Variants in UBE2K observed in about 807,000 individuals in gnomAD.
UBE2K encodes the protein ubiquitin conjugating enzyme E2 K.
UBE2K carries 6 observed loss-of-function variants against 30.0 expected under a neutral mutation model. The observed-to-expected ratio is 0.20, with a 90% CI of 0.11 to 0.39. UBE2K has a LOEUF of 0.39. Ranked by LOEUF, UBE2K falls within the 10% of genes least tolerant of loss-of-function variation. UBE2K has a pLI of 1.00. For synonymous variants in UBE2K, 86 were observed against 83.7 expected (o/e 1.03, Z -0.15); for missense variants, 61 against 241.6 (o/e 0.25, Z 4.96).
chr4:39,733,938 G>A (rs1042842379), intron 1 of UBE2K, among the ~76,000 whole-genome samples: 2 of 152,032 alleles, frequency 1.3e-5, no homozygotes, highest in East Asian at 3.9e-4. Context: ...CAGGGGGATT[G>A]GAGTTTTAGA....
chr4:39,730,810 C>CTT lies in UBE2K; in HGVS notation c.64-6592_64-6591dup, dbSNP rs569251225. Among the ~76,000 whole-genome samples, 754 of 89,648 alleles carry CTT rather than the reference C, an allele frequency of 8.4e-3. 26 individuals are homozygous for CTT. Among genetic ancestry groups the CTT allele is most frequent in the African/African-American group, 0.023 (568 of 24,426 alleles). The allele number at this position is 89,648 out of a possible 152,430, so 58.8% of individuals were successfully genotyped here. A position where few individuals can be genotyped will look rare whatever the true frequency, so the allele number is the denominator to read the frequency against. On this transcript the variant is annotated intron_variant, in intron 1 of 6. Transcript: ENST00000261427. Reference sequence around the variant, plus strand: ...TAATAATTGCTAGCTGCTATAGCTTCTTTTTTTTTTTTTTTTTTTGAGACA... The same window carrying CTT: ...TAATAATTGCTAGCTGCTATAGCTTCTTTTTTTTTTTTTTTTTTTTTGAGACA...
intron 2 of UBE2K, among the ~76,000 whole-genome samples, chr4:39,739,239 G>T (rs1720541813): frequency 6.6e-6 from 1 of 150,656 alleles, no homozygotes; most frequent in Non-Finnish European, 1.5e-5. Flanking sequence ...CACCGTGTTA[G>T]CCAGAATGGT....
At chr4:39,698,604 G>T (rs1365422178) in intron 1 of UBE2K, among the ~76,000 whole-genome samples, 1 of 152,096 alleles carries the variant, frequency 6.6e-6, no homozygotes, top group Non-Finnish European at 1.5e-5. Flanking sequence ...GGGTGGTCTG[G>T]GGTGGAACAT....
chr4:39,738,836 G>A (rs907149046), intron 2 of UBE2K, among the ~76,000 whole-genome samples: 3 of 151,508 alleles, frequency 2.0e-5, no homozygotes, highest in African/African-American at 7.3e-5. Context: ...CCACCATGCC[G>A]GCTAATTTTT....
At chr4:39,766,724 A>AT (rs1213919699) in intron 4 of UBE2K, among the ~76,000 whole-genome samples, 3 of 151,650 alleles carry the variant, frequency 2.0e-5, no homozygotes, top group Non-Finnish European at 4.4e-5. Context: ...AGGAGTGTTT[A>AT]TTTTTATTTC....
intron 1 of UBE2K, among the ~76,000 whole-genome samples, chr4:39,732,552 A>G (rs1720129606): frequency 7.0e-6 from 1 of 143,716 alleles, no homozygotes; most frequent in Non-Finnish European, 1.5e-5. Flanking sequence ...GTTGTTGACA[A>G]TAATGTTTTT....
intron 1 of UBE2K, chr4:39,714,037 A>G (rs913227640): frequency 2.0e-5 from 3 of 152,274 alleles, no homozygotes; most frequent in African/African-American, 7.2e-5. Context: ...CTACAGGTAC[A>G]CCACCATGCC....
intron 1 of UBE2K, among the ~76,000 whole-genome samples, chr4:39,713,307 C>G (rs1235931022): frequency 1.4e-4 from 1 of 7,244 alleles, no homozygotes; most frequent in Non-Finnish European, 2.3e-4. Flanking sequence ...TTTTTTGAGA[C>G]AGTTCTTGCT....
rs373785391 is a variant in UBE2K at position 39,768,049 on chromosome 4, G to A, written c.300-6785G>A. ...TCAGCTTTATGCTGATAACATCTAG[G>A]TAGCTTTTGATATGTATGTGCCTTT... On this transcript the variant is annotated intron_variant, in intron 4 of 6. Transcript: ENST00000261427. Among the ~76,000 whole-genome samples the A allele has an allele frequency of 2.7e-4, 41 of 152,070 alleles. 1 individual carries two copies. In the East Asian group the frequency reaches 5.0e-3, roughly 19 times the overall value.
chr4:39,721,292 A>G (rs1213688028), intron 1 of UBE2K, among the ~76,000 whole-genome samples: 2 of 152,276 alleles, frequency 1.3e-5, no homozygotes, highest in East Asian at 3.9e-4. Flanking sequence ...ATCATTTAGG[A>G]AACCTTTTTA....
intron 3 of UBE2K, among the ~76,000 whole-genome samples, chr4:39,749,056 A>G (rs532502173): frequency 2.6e-4 from 40 of 152,270 alleles, no homozygotes; most frequent in African/African-American, 9.1e-4. Flanking sequence ...TATGAGGTAA[A>G]ATTATCAAGG....
At chr4:39,730,753 GA>G (rs1720026056) in intron 1 of UBE2K, among the ~76,000 whole-genome samples, 1 of 149,594 alleles carries the variant, frequency 6.7e-6, no homozygotes, top group South Asian at 2.2e-4. Context: ...CTGGGCAACA[GA>G]GTGAGACTCC....
intron 1 of UBE2K, among the ~76,000 whole-genome samples, chr4:39,708,146 A>G (rs1718474748): frequency 1.3e-5 from 2 of 151,920 alleles, no homozygotes; most frequent in South Asian, 4.2e-4. Flanking sequence ...GTGATCTGCC[A>G]GCCTTGGCCT....
intron 1 of UBE2K, among the ~76,000 whole-genome samples, chr4:39,720,840 C>A (rs1719381897): frequency 6.6e-6 from 1 of 152,010 alleles, no homozygotes; most frequent in African/African-American, 2.4e-5. Context: ...AACTCCAGGG[C>A]TCAAGTGATT....
At chr4:39,709,137 A>AG (rs943734225) in intron 1 of UBE2K, among the ~76,000 whole-genome samples, 1 of 152,012 alleles carries the variant, frequency 6.6e-6, no homozygotes, top group Non-Finnish European at 1.5e-5. Flanking sequence ...TGGGAAGATT[A>AG]GGAGAGTCCT....
chr4:39,724,708 T>TG (rs1007370397), intron 1 of UBE2K, among the ~76,000 whole-genome samples: 2 of 150,540 alleles, frequency 1.3e-5, no homozygotes, highest in Admixed American at 6.6e-5. Context: ...AGGCAAAAGT[T>TG]GCAATGAGCT....
intron 1 of UBE2K, among the ~76,000 whole-genome samples, chr4:39,736,859 A>G (rs754216740): frequency 6.6e-6 from 1 of 152,222 alleles, no homozygotes; most frequent in Non-Finnish European, 1.5e-5. Flanking sequence ...GGAATTTTTC[A>G]TGGAAAGGAG....
intron 4 of UBE2K, among the ~76,000 whole-genome samples, chr4:39,759,125 A>C (rs1711696227): frequency 6.6e-6 from 1 of 152,206 alleles, no homozygotes; most frequent in African/African-American, 2.4e-5. Context: ...AGAGAAAAAT[A>C]CAGAGTCTTA....
intron 3 of UBE2K, among the ~76,000 whole-genome samples, chr4:39,748,002 A>T (rs974355052): frequency 2.0e-5 from 3 of 152,004 alleles, no homozygotes; most frequent in African/African-American, 7.2e-5. Flanking sequence ...GCATTTCACC[A>T]TGTTGGCCAG....
Sources: gnomAD v4.1 joint callset for allele counts (sites outside exome capture counted in the v4.1 genomes callset) on GRCh38, gnomAD v4.1.1 for gene constraint, MANE v1.5 for transcripts, NCBI Gene and HGNC (gene_info 2026-07-23, HGNC 2026-07-21) for gene names.